The following PTPRM variants were observed in gnomAD, a reference collection of about 807,000 sequenced individuals.
PTPRM encodes protein tyrosine phosphatase receptor type M, also known as receptor-type tyrosine-protein phosphatase mu.
PTPRM carries 47 observed loss-of-function variants against 186.7 expected under a neutral mutation model. The ratio of observed to expected loss-of-function variants is 0.25; its 90% CI spans 0.20 to 0.32. The LOEUF is 0.32. Ranked by LOEUF, PTPRM falls within the 10% of genes least tolerant of loss-of-function variation. PTPRM has a pLI of 1.00. For synonymous variants in PTPRM, 668 were observed against 674.9 expected (o/e 0.99, Z 0.16); for missense variants, 1,494 against 1,865.0 (o/e 0.80, Z 3.66).
intron 1 of PTPRM, among the ~76,000 whole-genome samples, chr18:7,659,818 G>A (rs924952392): frequency 5.9e-5 from 9 of 152,108 alleles, no homozygotes; most frequent in South Asian, 4.1e-4. Flanking sequence ...GAAATGGCCC[G>A]GTCTGTAAAC....
At chr18:8,343,739 C>G (rs1360729576) in intron 23 of PTPRM, among the ~76,000 whole-genome samples, 1 of 152,188 alleles carries the variant, frequency 6.6e-6, no homozygotes, top group Non-Finnish European at 1.5e-5. Flanking sequence ...GAAAGGCACT[C>G]AAGATTTAAA....
intron 7 of PTPRM, among the ~76,000 whole-genome samples, chr18:7,987,595 G>A (rs2083033901): frequency 6.6e-6 from 1 of 152,030 alleles, no homozygotes; most frequent in African/African-American, 2.4e-5. Flanking sequence ...GATGGGGAAT[G>A]GGGACCCCTA....
chr18:8,140,095 T>A (rs2092729234), intron 13 of PTPRM, among the ~76,000 whole-genome samples: 1 of 152,232 alleles, frequency 6.6e-6, no homozygotes, highest in Non-Finnish European at 1.5e-5. Context: ...CCTGCGGCTC[T>A]TCCTAACCCT....
chr18:8,226,277 C>G (rs182618886), intron 14 of PTPRM, among the ~76,000 whole-genome samples: 8 of 150,906 alleles, frequency 5.3e-5, no homozygotes, highest in Non-Finnish European at 8.8e-5. Context: ...ATATCCCCCC[C>G]ACACACATAC....
chr18:8,015,566 A>T (rs1476975512), intron 7 of PTPRM, among the ~76,000 whole-genome samples: 1 of 137,376 alleles, frequency 7.3e-6, no homozygotes, highest in East Asian at 2.0e-4. Flanking sequence ...ACTCTGATTG[A>T]CAACCTTGCT....
intron 14 of PTPRM, among the ~76,000 whole-genome samples, chr18:8,207,970 A>G (rs2093952695): frequency 6.6e-6 from 1 of 152,238 alleles, no homozygotes; most frequent in Non-Finnish European, 1.5e-5. Flanking sequence ...ACAAATATTC[A>G]GAAATTACGT....
intron 13 of PTPRM, among the ~76,000 whole-genome samples, chr18:8,140,590 G>A (rs2092743765): frequency 6.6e-6 from 1 of 151,596 alleles, no homozygotes; most frequent in African/African-American, 2.4e-5. Context: ...CAGTAGACTG[G>A]GCATCTGTGA....
chr18:8,296,034 T>C (rs1403226368), intron 19 of PTPRM, among the ~76,000 whole-genome samples: 1 of 152,166 alleles, frequency 6.6e-6, no homozygotes, highest in Non-Finnish European at 1.5e-5. Context: ...AATTAAGAAA[T>C]TGAGTGAAAC....
chr18:7,591,393 G>C (rs911695414), intron 1 of PTPRM, among the ~76,000 whole-genome samples: 3 of 152,100 alleles, frequency 2.0e-5, no homozygotes, highest in Non-Finnish European at 4.4e-5. Flanking sequence ...GGGAGGGAGT[G>C]GGGAGAGCCA....
At chr18:8,219,879 A>G (rs1199857065) in intron 14 of PTPRM, among the ~76,000 whole-genome samples, 1 of 152,176 alleles carries the variant, frequency 6.6e-6, no homozygotes, top group Non-Finnish European at 1.5e-5. Context: ...ATTGTTTATA[A>G]TTTGATATAT....
chr18:7,950,828 C>G lies in PTPRM; in HGVS notation c.838+1473C>G, dbSNP rs544636925. On this transcript the variant is annotated intron_variant, in intron 6 of 32. Transcript: ENST00000580170. Reference sequence around the variant, plus strand: ...GTAAATACCTGCCCACCTATTGTCTCCTCCCTGTCTGGCCACACCCATATT... The same window carrying G: ...GTAAATACCTGCCCACCTATTGTCTGCTCCCTGTCTGGCCACACCCATATT... Among the ~76,000 whole-genome samples the G allele has an allele frequency of 3.3e-5, 5 of 152,270 alleles. No individual in the cohort carries two copies. In the East Asian group the frequency reaches 9.7e-4, roughly 29 times the overall value.
chr18:7,671,848 G>A (rs925642754), intron 1 of PTPRM, among the ~76,000 whole-genome samples: 14 of 152,066 alleles, frequency 9.2e-5, no homozygotes, highest in African/African-American at 3.4e-4. Flanking sequence ...TTTGGCTGGT[G>A]TACCGAAGTC....
intron 3 of PTPRM, among the ~76,000 whole-genome samples, chr18:7,897,309 A>C (rs17565758): frequency 0.075 from 11,355 of 152,238 alleles, 551 homozygotes; most frequent in South Asian, 0.15. Flanking sequence ...GATATGTGCC[A>C]GTTGAAAAAT....
intron 14 of PTPRM, among the ~76,000 whole-genome samples, chr18:8,180,673 C>T (rs1174878703): frequency 6.6e-6 from 1 of 152,158 alleles, no homozygotes; most frequent in Non-Finnish European, 1.5e-5. Flanking sequence ...CTCACCTGAG[C>T]TTTCTTCCCT....
At chr18:8,210,080 G>A (rs2093983104) in intron 14 of PTPRM, among the ~76,000 whole-genome samples, 1 of 151,570 alleles carries the variant, frequency 6.6e-6, no homozygotes, top group African/African-American at 2.4e-5. Flanking sequence ...GGGAGGCTGA[G>A]GTGGCAGATC....
intron 5 of PTPRM, among the ~76,000 whole-genome samples, chr18:7,947,680 C>G (rs922127735): frequency 2.0e-5 from 3 of 152,044 alleles, no homozygotes; most frequent in Non-Finnish European, 2.9e-5. Flanking sequence ...AATGCTCTTC[C>G]CCTCTCACCC....
At chr18:8,393,447 A>G (rs2095827889) in intron 31 of PTPRM, among the ~76,000 whole-genome samples, 1 of 152,198 alleles carries the variant, frequency 6.6e-6, no homozygotes, top group East Asian at 1.9e-4. Flanking sequence ...CAAAAGTGTC[A>G]AGGTCAGGAA....
intron 1 of PTPRM, among the ~76,000 whole-genome samples, chr18:7,622,572 A>C (rs1822420394): frequency 6.6e-6 from 1 of 152,048 alleles, no homozygotes; most frequent in Non-Finnish European, 1.5e-5. Flanking sequence ...GATGGTGCTG[A>C]AATTTGTTAG....
At chr18:8,379,041 G>A in intron 27 of PTPRM, 126 bp from the exon 28 acceptor site, 1 of 701,254 alleles carries the variant, frequency 1.4e-6, no homozygotes. Context: ...TGGTGGGTTG[G>A]GGAGGGAGGG....
Sources: gnomAD v4.1 joint callset for allele counts (sites outside exome capture counted in the v4.1 genomes callset) on GRCh38, gnomAD v4.1.1 for gene constraint, MANE v1.5 for transcripts, NCBI Gene and HGNC (gene_info 2026-07-23, HGNC 2026-07-21) for gene names.